Variants in CNTRL observed in about 807,000 individuals in gnomAD.
CNTRL encodes 110 kDa centrosomal protein.
CNTRL carries 233 observed loss-of-function variants against 303.7 expected under a neutral mutation model. The ratio of observed to expected loss-of-function variants is 0.77; its 90% CI spans 0.69 to 0.86. The LOEUF is 0.86. CNTRL is among the 40% of genes least tolerant of loss of function. The probability of loss-of-function intolerance (pLI) is 0.00; values close to 1 mark genes in which losing one functional copy is unlikely to be tolerated. For synonymous variants in CNTRL, 900 were observed against 922.2 expected (o/e 0.98, Z 0.44); for missense variants, 2,524 against 2,650.6 (o/e 0.95, Z 1.05).
intron 19 of CNTRL, among the ~76,000 whole-genome samples, chr9:121,143,347 G>A (rs1383330676): frequency 6.6e-6 from 1 of 152,144 alleles, no homozygotes; most frequent in Non-Finnish European, 1.5e-5. Context: ...GACTACTGTG[G>A]CTGTCTGATC....
At chr9:121,152,208 C>G in intron 25 of CNTRL, 1 of 356,708 alleles carries the variant, frequency 2.8e-6, no homozygotes, top group South Asian at 3.3e-5. Context: ...TCTATCTCTT[C>G]TGCTAGACCC....
intron 43 of CNTRL, among the ~76,000 whole-genome samples, 181 bp from the exon 44 acceptor site, chr9:121,176,981 GT>G (rs1181451432): frequency 4.6e-5 from 7 of 152,120 alleles, no homozygotes; most frequent in African/African-American, 1.7e-4. Flanking sequence ...AATTTTAGCA[GT>G]TTTAAGAATA....
At chr9:121,105,014 T>C (rs1350669522) in intron 7 of CNTRL, among the ~76,000 whole-genome samples, 1 of 152,142 alleles carries the variant, frequency 6.6e-6, no homozygotes, top group Non-Finnish European at 1.5e-5. Flanking sequence ...CCGGCTGCCA[T>C]TGACAGTTTT....
chr9:121,158,165 AG>A, intron 30 of CNTRL, 56 bp downstream of exon 30: 3 of 1,577,646 alleles, frequency 1.9e-6, no homozygotes, highest in Non-Finnish European at 2.6e-6. Flanking sequence ...TGATTATAAA[AG>A]TAATACATGT....
intron 37 of CNTRL, among the ~76,000 whole-genome samples, 186 bp from the exon 38 acceptor site, chr9:121,167,910 G>T (rs1330666279): frequency 6.6e-6 from 1 of 152,074 alleles, no homozygotes; most frequent in Non-Finnish European, 1.5e-5. Flanking sequence ...GCCATTTGCT[G>T]CTTGAATCCC....
chr9:121,157,951 G>T (rs1302230708), intron 29 of CNTRL, 32 bp from the exon 30 acceptor site: 1 of 1,614,086 alleles, frequency 6.2e-7, no homozygotes. Flanking sequence ...GAGTCCCTTA[G>T]GATCTGCTCT....
rs756295788 is a variant in CNTRL, at chr9:121,146,215, C to T, written c.3418C>T (p.Arg1140Ter). Residue 1140 changes from arginine to a stop codon, truncating the protein, a stop_gained, in exon 23 of 44, where the codon CGA (arginine) becomes TGA (stop). Transcript: ENST00000373855. LOFTEE classifies it high-confidence loss of function. ...ISSMADPFKR[R>*]GYWYFMPPPP... ...CAGCATGGCAGATCCTTTCAAAAGACGAGGCTATTGGTACTTTATGCCACC... is the reference window on the plus strand; with the variant it reads ...CAGCATGGCAGATCCTTTCAAAAGATGAGGCTATTGGTACTTTATGCCACC... The T allele has an allele frequency of 4.3e-6, 7 of 1,613,446 alleles. No homozygotes were observed. The East Asian group carries it at 6.7e-5, about 15-fold the overall frequency.
At chr9:121,136,401 C>T (rs1472635907) in intron 15 of CNTRL, among the ~76,000 whole-genome samples, 4 of 152,134 alleles carry the variant, frequency 2.6e-5, no homozygotes, top group Non-Finnish European at 5.9e-5. Context: ...CCTCCGCCTC[C>T]TGGGTTCAAG....
rs140332704 is a variant in CNTRL, at chr9:121,118,471, C to T, written c.1581C>T (p.Ala527=). Residue 527 remains alanine (A), a synonymous_variant, in exon 12 of 44, where the codon GCC becomes GCT. Coordinates refer to ENST00000373855, the MANE Select transcript of CNTRL (RefSeq NM_007018.6). ...LQMEKQKQEI[A]GKQKEIKDLQ... The stretch of plus-strand genomic sequence containing the variant: ...TGGAAAAGCAAAAGCAGGAAATTGC[C>T]GGAAAGCAGAAGGAGATTAAGGACC... 291 of 1,611,532 alleles carry T rather than the reference C, an allele frequency of 1.8e-4. 3 individuals are homozygous for T. Among genetic ancestry groups the T allele is most frequent in the South Asian group, 1.2e-3 (110 of 90,772 alleles).
intron 38 of CNTRL, among the ~76,000 whole-genome samples, chr9:121,168,713 TAC>T (rs1380274693): frequency 6.6e-6 from 1 of 152,256 alleles, no homozygotes; most frequent in Non-Finnish European, 1.5e-5. Context: ...TAGTGAATGG[TAC>T]CAGAATACAG....
rs2050484892 is a variant in CNTRL, at chr9:121,125,762, T to C, written c.1851T>C (p.Val617=). ...NEALKKDLEG[V]ISGLQEYLGT... is the part of the protein sequence containing the mutation. ...CCCTGAAGAAGGATTTAGAAGGTGT[T>C]ATCAGTGGGTTGCAAGAATACCTGG... Residue 617 remains valine, a synonymous_variant, in exon 14 of 44, where the codon GTT becomes GTC. Transcript: ENST00000373855. 1 of 1,614,070 alleles carries C rather than the reference T, an allele frequency of 6.2e-7. No homozygotes were observed. The highest frequency in any genetic ancestry group is 1.3e-5 in the African/African-American group (1 of 74,934).
chr9:121,132,810 T>G (rs1261878106), intron 14 of CNTRL, among the ~76,000 whole-genome samples: 1 of 152,170 alleles, frequency 6.6e-6, no homozygotes. Flanking sequence ...TACCTCCAGA[T>G]GGGGTTTTGG....
intron 7 of CNTRL, among the ~76,000 whole-genome samples, chr9:121,104,637 T>C (rs1254879655): frequency 6.6e-6 from 1 of 150,992 alleles, no homozygotes; most frequent in South Asian, 2.1e-4. Context: ...AGGTGTGAGA[T>C]GGCACAGGGC....
chr9:121,152,496 T>C lies in CNTRL; in HGVS notation c.3975T>C (p.Val1325=), dbSNP rs1281635181. 6 of 1,613,832 alleles carry C rather than the reference T, an allele frequency of 3.7e-6. No individual in the cohort carries two copies. In the South Asian group the frequency reaches 5.5e-5, roughly 15 times the overall value. The change falls in exon 26 of 44, where the codon GTT becomes GTC. Residue 1325 remains valine, a synonymous_variant. Coordinates refer to ENST00000373855, the MANE Select transcript of CNTRL (RefSeq NM_007018.6). ...CCCATCTCATTCAGGAGAATGAAGT[T>C]TCTAGATTAGAAGACATAATGCAGC... The part of the protein sequence containing the change: ...VPEHHNLENE[V]SRLEDIMQHL...
chr9:121,092,512 A>ATC (rs2048643456), intron 4 of CNTRL, among the ~76,000 whole-genome samples: 2 of 56,278 alleles, frequency 3.6e-5, no homozygotes, highest in Admixed American at 3.3e-4. Context: ...TATAATATAT[A>ATC]TCTATATATA....
intron 1 of CNTRL, 135 bp downstream of exon 1, chr9:121,075,202 C>T (rs1231802964): frequency 3.0e-6 from 1 of 333,660 alleles, no homozygotes; most frequent in Non-Finnish European, 5.9e-6. Context: ...GGGCGCGTGT[C>T]TGGGAATTGG....
rs954468769 is a variant in CNTRL, at chr9:121,098,448, T to A, written c.684T>A (p.Asn228Lys). The A allele has an allele frequency of 6.2e-7, 1 of 1,613,808 alleles. No individual in the cohort carries two copies. Among genetic ancestry groups the A allele is most frequent in the African/African-American group, 1.3e-5 (1 of 75,032 alleles). Residue 228 changes from asparagine to lysine, a missense_variant, in exon 7 of 44, where the codon AAT (asparagine) becomes AAA (lysine). Physicochemically the swap from Asn to Lys is moderately conservative, Grantham distance 94. Coordinates refer to ENST00000373855, the MANE Select transcript of CNTRL (RefSeq NM_007018.6). ...QDLISLILVE[N>K]PVVTLPHYLQ... ...TGATTTCTCTGATCCTAGTTGAAAA[T>A]CCAGTTGTGACCCTTCCTCATTACC...
At chr9:121,176,430 C>T (rs946102290) in intron 43 of CNTRL, among the ~76,000 whole-genome samples, 1 of 152,178 alleles carries the variant, frequency 6.6e-6, no homozygotes, top group Non-Finnish European at 1.5e-5. Flanking sequence ...ATCTTAACAC[C>T]ATCTGTGGTG....
At position 121,173,794 on chromosome 9, in the gene CNTRL, G is replaced by A. The variant is rs185750832; in HGVS notation, c.6747+57G>A. 1.2e-3 allele frequency: 1,728 copies of A among 1,496,824 alleles called. 2 individuals carry two copies. The highest frequency in any genetic ancestry group is 1.5e-3 in the Non-Finnish European group (1,566 of 1,074,382). 92.7% of individuals were successfully genotyped at this position (1,496,824 alleles called of 1,614,324 possible). A position where few individuals can be genotyped will look rare whatever the true frequency, so the allele number is the denominator to read the frequency against. On this transcript the variant is annotated intron_variant, in intron 42 of 43. Coordinates refer to ENST00000373855, the MANE Select transcript of CNTRL (RefSeq NM_007018.6). The stretch of plus-strand genomic sequence containing the variant: ...TGAGATACTGGGCACATTGGGGAGG[G>A]GAGGGGAAAGTTACATTTACCTGAT...
Sources: gnomAD v4.1 joint callset for allele counts (sites outside exome capture counted in the v4.1 genomes callset) on GRCh38, gnomAD v4.1.1 for gene constraint, MANE v1.5 for transcripts, NCBI Gene and HGNC (gene_info 2026-07-23, HGNC 2026-07-21) for gene names.